MAP3K9: variants seen among roughly 807,000 people sequenced by gnomAD.
MAP3K9 encodes the protein mitogen-activated protein kinase kinase kinase 9, also known as mixed lineage kinase 1 (tyr and ser/thr specificity).
Under a neutral mutation model 95.8 loss-of-function variants are expected in MAP3K9, and 46 were observed. The ratio of observed to expected loss-of-function variants is 0.48; its 90% CI spans 0.38 to 0.61. The LOEUF (loss-of-function observed/expected upper bound fraction) is 0.61, where lower values mean the gene tolerates loss of function less well. Among genes scored for constraint, MAP3K9 ranks in the 20% least tolerant of loss-of-function variants. The pLI, the probability that MAP3K9 is intolerant of heterozygous loss-of-function variation, is 0.00. For missense variants in MAP3K9, 1,296 were observed against 1,474.3 expected (o/e 0.88, Z 1.98); for synonymous variants, 533 against 593.8 (o/e 0.90, Z 1.49).
At chr14:70,765,558 T>A (rs543182986) in intron 2 of MAP3K9, 3 of 597,200 alleles carry the variant, frequency 5.0e-6, no homozygotes, top group Non-Finnish European at 9.1e-6. Flanking sequence ...TAGATACATT[T>A]AGGTACACAA....
chr14:70,796,639 C>T (rs183663184), intron 2 of MAP3K9, among the ~76,000 whole-genome samples: 11 of 152,330 alleles, frequency 7.2e-5, no homozygotes, highest in Admixed American at 3.3e-4. Flanking sequence ...CAAGCACATA[C>T]GCCATGCTGG....
rs527635627 is a variant in MAP3K9 at position 70,730,534 on chromosome 14, G to A, written c.3161C>T (p.Pro1054Leu). The change falls in exon 12 of 12, where the codon CCG becomes CTG. Residue 1054 changes from proline to leucine, a missense_variant. Coordinates refer to ENST00000554752, the MANE Select transcript of MAP3K9 (RefSeq NM_001284230.2). ...CGGGGGCAGCGGCCCTGCCTGGAAC[G>A]GGAGCAGGGCTGGAAGTCCAGGCCG... ...EERPGLPALL[P>L]FQAGPLPPTE... 3.7e-6 allele frequency: 6 copies of A among 1,613,846 alleles called. No homozygotes were observed. The highest frequency in any genetic ancestry group is 2.7e-5 in the African/African-American group (2 of 74,938).
intron 2 of MAP3K9, among the ~76,000 whole-genome samples, chr14:70,773,327 G>C (rs1328307184): frequency 1.3e-5 from 2 of 152,178 alleles, no homozygotes; most frequent in African/African-American, 4.8e-5. Flanking sequence ...GTCAGCAGCA[G>C]AAAGAGAAAA....
chr14:70,739,912 A>G, intron 7 of MAP3K9, 130 bp downstream of exon 7: 1 of 1,613,014 alleles, frequency 6.2e-7, no homozygotes, highest in Non-Finnish European at 8.5e-7. Context: ...GTGCATGTAT[A>G]TACACATTGT....
chr14:70,809,271 AACG>A lies in MAP3K9; in HGVS notation c.-103_-101del. 1 of 1,212,076 alleles carries A rather than the reference AACG, an allele frequency of 8.3e-7. No homozygotes were observed. The highest frequency in any genetic ancestry group is 1.0e-6 in the Non-Finnish European group (1 of 971,506). The allele number at this position is 1,212,076 out of a possible 1,614,324, so 75.1% of individuals were successfully genotyped here. On this transcript the variant is annotated 5_prime_UTR_variant, in exon 1 of 12. Transcript: ENST00000554752. ...CGCAGAGCTGGGAGGACCCCCCCCC[AACG>A]ACGGCGGCCGCAGGTAGGGCCCGGG...
intron 8 of MAP3K9, 45 bp downstream of exon 8, chr14:70,738,200 A>G (rs769547739): frequency 6.4e-7 from 1 of 1,560,106 alleles, no homozygotes; most frequent in South Asian, 1.2e-5. Flanking sequence ...TAAATGGTAC[A>G]TCCATCTTCA....
chr14:70,800,399 G>A (rs2054914475), intron 2 of MAP3K9, among the ~76,000 whole-genome samples: 1 of 151,844 alleles, frequency 6.6e-6, no homozygotes, highest in Non-Finnish European at 1.5e-5. Flanking sequence ...TCTGATATGT[G>A]GAAAAATAGT....
chr14:70,758,613 T>C (rs1321093203), intron 3 of MAP3K9, among the ~76,000 whole-genome samples: 2 of 152,174 alleles, frequency 1.3e-5, no homozygotes, highest in Non-Finnish European at 2.9e-5. Flanking sequence ...CAAGTGTCCA[T>C]AGCAGCATTA....
chr14:70,748,746 T>A, intron 5 of MAP3K9, 83 bp downstream of exon 5: 1 of 1,067,988 alleles, frequency 9.4e-7, no homozygotes, highest in Admixed American at 2.4e-5. Flanking sequence ...GGTCCAGAGG[T>A]CCCTGTGAGT....
In MAP3K9 at chr14:70,729,360, T is replaced by C. The variant is rs1434829711; in HGVS notation, c.*1020A>G. 2.0e-5 allele frequency: 3 copies of C among 152,190 alleles called. No individual in the cohort carries two copies. The highest frequency in any genetic ancestry group is 4.4e-5 in the Non-Finnish European group (3 of 68,054). 9.4% of individuals were successfully genotyped at this position (152,190 alleles called of 1,614,324 possible). On this transcript the variant is annotated 3_prime_UTR_variant, in exon 12 of 12. Coordinates refer to ENST00000554752, the MANE Select transcript of MAP3K9 (RefSeq NM_001284230.2). ...GCTGTTCTAGGGCATTGCGGTGATA[T>C]CTACTAACCAAACATAACCAAAAGC...
chr14:70,753,972 T>C (rs910975593), intron 3 of MAP3K9, among the ~76,000 whole-genome samples: 5 of 152,192 alleles, frequency 3.3e-5, no homozygotes, highest in South Asian at 2.1e-4. Flanking sequence ...CAGGTCAGGG[T>C]CCATGCTCTG....
In MAP3K9 at chr14:70,744,505, T is replaced by G. The variant is rs575148792; in HGVS notation, c.1327-1914A>C. ...GGCTGCTCAAAAGCTAAGTGAGGCA[T>G]GTCATCTAAATCTTCATGGTCACTT... On this transcript the variant is annotated intron_variant, in intron 5 of 11. Transcript: ENST00000554752. 3.3e-5 allele frequency among the ~76,000 whole-genome samples: 5 copies of G among 152,294 alleles called. No individual in the cohort carries two copies. The East Asian group carries it at 9.6e-4, about 29-fold the overall frequency.
At position 70,728,148 on chromosome 14, in the gene MAP3K9, T is replaced by G. The variant is rs2053845222; in HGVS notation, c.*2232A>C. ...TTTTTTTTTTTTTTTTGAGACAGAG[T>G]TTCTCTCTTGTTGCCCAGGCTGGAG... On this transcript the variant is annotated 3_prime_UTR_variant, in exon 12 of 12. Coordinates refer to ENST00000554752, the MANE Select transcript of MAP3K9 (RefSeq NM_001284230.2). The G allele has an allele frequency of 1.0e-5, 1 of 100,284 alleles. No homozygotes were observed. Among genetic ancestry groups the G allele is most frequent in the African/African-American group, 3.7e-5 (1 of 27,098 alleles). The allele number at this position is 100,284 out of a possible 1,614,324, so 6.2% of individuals were successfully genotyped here.
chr14:70,802,341 TCCCAGTATCCCA>T (rs1227680132), intron 1 of MAP3K9, among the ~76,000 whole-genome samples: 1 of 152,216 alleles, frequency 6.6e-6, no homozygotes, highest in African/African-American at 2.4e-5. Context: ...GCCCTGATGA[TCCCAGTATCCCA>T]CCCAGTATCC....
chr14:70,735,837 CAA>C, intron 9 of MAP3K9, 122 bp downstream of exon 9: 1 of 776,152 alleles, frequency 1.3e-6, no homozygotes, highest in Non-Finnish European at 2.2e-6. Context: ...AAAACAAAAA[CAA>C]AAAAGTCAGT....
intron 3 of MAP3K9, among the ~76,000 whole-genome samples, chr14:70,755,961 T>C (rs1344861822): frequency 2.6e-5 from 4 of 152,212 alleles, no homozygotes; most frequent in Admixed American, 2.6e-4. Flanking sequence ...CTCCAAGTGA[T>C]TTCCTCTAGA....
At chr14:70,764,192 CAAA>C (rs71105731) in intron 2 of MAP3K9, among the ~76,000 whole-genome samples, 9 of 29,850 alleles carry the variant, frequency 3.0e-4, no homozygotes, top group Admixed American at 1.7e-3. Context: ...GACTCCGTCT[CAAA>C]AAAAAAAAAA....
In MAP3K9 at chr14:70,734,484, A is replaced by G. The variant is rs759655188; in HGVS notation, c.1928T>C (p.Val643Ala). 6.2e-7 allele frequency: 1 copy of G among 1,607,256 alleles called. No homozygotes were observed. Among genetic ancestry groups the G allele is most frequent in the Non-Finnish European group, 8.5e-7 (1 of 1,175,216 alleles). ...GGACGACCACTGCTTATATCCATCT[A>G]CCAGGGACTTGAGGCTGAATCAGAG... Reference protein sequence around the residue: ...PHFHLGLKSLVDGYKQWSSSA... With the variant: ...PHFHLGLKSLADGYKQWSSSA... The change falls in exon 10 of 12, where the codon GTA becomes GCA. Residue 643 changes from valine to alanine, a missense_variant. By Grantham distance (64) the Val-to-Ala change is moderately conservative. Transcript: ENST00000554752.
intron 2 of MAP3K9, among the ~76,000 whole-genome samples, chr14:70,776,058 G>A (rs1388242599): frequency 2.0e-5 from 3 of 152,010 alleles, no homozygotes; most frequent in Admixed American, 6.6e-5. Flanking sequence ...GCATGATGGC[G>A]GGCGCCTGTA....
Sources: gnomAD v4.1 joint callset for allele counts (sites outside exome capture counted in the v4.1 genomes callset) on GRCh38, gnomAD v4.1.1 for gene constraint, MANE v1.5 for transcripts, NCBI Gene and HGNC (gene_info 2026-07-23, HGNC 2026-07-21) for gene names.